The following LRRC37A2 variants were observed in gnomAD, a reference collection of about 807,000 sequenced individuals.
LRRC37A2 encodes the protein leucine-rich repeat-containing protein 37A2.
A neutral mutation model predicts 68.8 loss-of-function variants in LRRC37A2; 9 were observed. The observed-to-expected ratio is 0.13, with a 90% CI of 0.08 to 0.23. The LOEUF (loss-of-function observed/expected upper bound fraction) is 0.23. Among genes scored for constraint, LRRC37A2 ranks in the 10% least tolerant of loss-of-function variants. The pLI is 1.00. For synonymous variants in LRRC37A2, 63 were observed against 367.6 expected (o/e 0.17, Z 9.48); for missense variants, 168 against 950.4 (o/e 0.18, Z 10.82).
At chr17:46,903,429 A>G in the LRRC37A2 span, among the ~76,000 whole-genome samples, 14 of 152,150 alleles carry the variant, frequency 9.2e-5, no homozygotes, top group Non-Finnish European at 2.1e-4. Flanking sequence ...AGAAAAACAG[A>G]AAAAATCTGA....
At chr17:46,848,330 C>T in the LRRC37A2 span, among the ~76,000 whole-genome samples, 1 of 152,164 alleles carries the variant, frequency 6.6e-6, no homozygotes, top group African/African-American at 2.4e-5. Context: ...CATAAAAAGG[C>T]CACAAACCAG....
At chr17:46,985,564 G>C in the LRRC37A2 span, among the ~76,000 whole-genome samples, 1 of 151,938 alleles carries the variant, frequency 6.6e-6, no homozygotes, top group Non-Finnish European at 1.5e-5. Flanking sequence ...CTTGCAGGTT[G>C]GGTGTCTATG....
chr17:46,823,134 A>G, the LRRC37A2 span, among the ~76,000 whole-genome samples: 1 of 134,036 alleles, frequency 7.5e-6, no homozygotes, highest in African/African-American at 2.9e-5. Flanking sequence ...TATATTATAT[A>G]TATTATATTA....
chr17:46,825,742 G>A, the LRRC37A2 span, among the ~76,000 whole-genome samples: 1 of 152,228 alleles, frequency 6.6e-6, no homozygotes, highest in African/African-American at 2.4e-5. Flanking sequence ...AACAAAACCA[G>A]GCCAGGCATG....
At chr17:46,788,056 G>A in the LRRC37A2 span, among the ~76,000 whole-genome samples, 2 of 152,090 alleles carry the variant, frequency 1.3e-5, no homozygotes, top group Non-Finnish European at 2.9e-5. Context: ...GTCCCACTTG[G>A]GACTTCAAGG....
chr17:46,540,065 CA>C lies in LRRC37A2; in HGVS notation c.2907-110del, dbSNP rs1199395154. ...TGATTTCTTAGGTAAAGACAGGAAA[CA>C]TTTTTTTCTTTTTTACCTACAAGTT... On this transcript the variant is annotated intron_variant, in intron 6 of 14. Coordinates refer to ENST00000576629, the Ensembl canonical transcript of LRRC37A2. 3 of 1,181,044 alleles carry C rather than the reference CA, an allele frequency of 2.5e-6. No individual in the cohort carries two copies. In the African/African-American group the frequency reaches 5.6e-5, roughly 22 times the overall value. 73.2% of individuals were successfully genotyped at this position (1,181,044 alleles called of 1,614,324 possible).
At chr17:46,803,146 C>T in the LRRC37A2 span, among the ~76,000 whole-genome samples, 2 of 152,320 alleles carry the variant, frequency 1.3e-5, no homozygotes, top group East Asian at 1.9e-4. Flanking sequence ...TTGGTGTATG[C>T]ACGCATTTGG....
the LRRC37A2 span, among the ~76,000 whole-genome samples, chr17:46,877,281 A>C: frequency 1.2e-3 from 180 of 152,344 alleles, no homozygotes; most frequent in African/African-American, 4.1e-3. Context: ...GGGAGAAAGC[A>C]CAGGTGGTAG....
chr17:47,030,110 A>T, the LRRC37A2 span, among the ~76,000 whole-genome samples: 10 of 121,704 alleles, frequency 8.2e-5, 1 homozygote, highest in East Asian at 2.2e-3. Flanking sequence ...CATCATCATC[A>T]TCATCATCAT....
At chr17:46,804,169 C>T in the LRRC37A2 span, among the ~76,000 whole-genome samples, 1 of 152,078 alleles carries the variant, frequency 6.6e-6, no homozygotes, top group African/African-American at 2.4e-5. Flanking sequence ...CTCACTGCAA[C>T]CACCACCTCC....
the LRRC37A2 span, among the ~76,000 whole-genome samples, chr17:46,901,705 C>G: frequency 6.6e-6 from 1 of 152,156 alleles, no homozygotes; most frequent in Non-Finnish European, 1.5e-5. Context: ...TCTGATATCT[C>G]TTCATGCTTA....
At chr17:46,940,679 A>G in the LRRC37A2 span, 1 of 1,612,160 alleles carries the variant, frequency 6.2e-7, no homozygotes, top group Non-Finnish European at 8.5e-7. Flanking sequence ...CTGATAGGAC[A>G]TCTTTTCGTG....
chr17:46,757,704 T>TAA, the LRRC37A2 span, among the ~76,000 whole-genome samples: 12 of 145,528 alleles, frequency 8.2e-5, no homozygotes, highest in Admixed American at 2.7e-4. Context: ...TTTATCTTAC[T>TAA]AAAAAAAAAA....
the LRRC37A2 span, among the ~76,000 whole-genome samples, chr17:46,759,819 A>G: frequency 6.6e-6 from 1 of 152,026 alleles, no homozygotes; most frequent in Non-Finnish European, 1.5e-5. Context: ...TTCTTTCTTC[A>G]TAAAATAATA....
chr17:47,017,465 T>C, the LRRC37A2 span: 2 of 1,501,714 alleles, frequency 1.3e-6, no homozygotes, highest in Non-Finnish European at 1.8e-6. Context: ...GGCCCTCTGC[T>C]TCCTCAGAGA....
chr17:47,022,185 TCCAGAGACAG>T, the LRRC37A2 span, among the ~76,000 whole-genome samples: 15 of 45,172 alleles, frequency 3.3e-4, no homozygotes, highest in African/African-American at 5.7e-4. Flanking sequence ...TTTTTTTTTT[TCCAGAGACAG>T]GTTCTTACTT....
the LRRC37A2 span, among the ~76,000 whole-genome samples, chr17:46,721,267 AT>A: frequency 6.6e-6 from 1 of 152,204 alleles, no homozygotes; most frequent in East Asian, 1.9e-4. Context: ...TGACAATCTC[AT>A]TATGTGCACA....
chr17:46,975,817 CT>C, the LRRC37A2 span, among the ~76,000 whole-genome samples: 6 of 152,288 alleles, frequency 3.9e-5, no homozygotes, highest in Admixed American at 2.0e-4. Context: ...CCCACTAAGG[CT>C]TTCCTTTTCA....
At chr17:46,633,897 G>A in the LRRC37A2 span, among the ~76,000 whole-genome samples, 4 of 101,572 alleles carry the variant, frequency 3.9e-5, no homozygotes, top group African/African-American at 1.9e-4. Flanking sequence ...TTGAGACAGA[G>A]TTTCACTCTT....
Sources: gnomAD v4.1 joint callset for allele counts (sites outside exome capture counted in the v4.1 genomes callset) on GRCh38, gnomAD v4.1.1 for gene constraint, MANE v1.5 for transcripts, NCBI Gene and HGNC (gene_info 2026-07-23, HGNC 2026-07-21) for gene names.